The following KCNH1 variants were observed in gnomAD, a reference collection of about 807,000 sequenced individuals.
KCNH1 encodes voltage-gated delayed rectifier potassium channel KCNH1.
In KCNH1, 27 loss-of-function variants were observed where a neutral mutation model predicts 69.2. That is an observed-to-expected ratio of 0.39 (90% CI 0.29 to 0.54). The LOEUF (loss-of-function observed/expected upper bound fraction) is 0.54. Ranked by LOEUF, KCNH1 falls within the 20% of genes least tolerant of loss-of-function variation. KCNH1 has a pLI of 0.68. For synonymous variants in KCNH1, 456 were observed against 487.7 expected, an observed-to-expected ratio of 0.93 and a Z score of 0.86; for missense variants, 798 against 1,261.6, an observed-to-expected ratio of 0.63 and a Z score of 5.57.
At position 210,806,824 on chromosome 1, in the gene KCNH1, A is replaced by ATATATATATATATATATATATAT. The variant is rs1387980426; in HGVS notation, c.1463-2659_1463-2658insATATATATATATATATATATATA. 6.2e-4 allele frequency among the ~76,000 whole-genome samples: 28 copies of ATATATATATATATATATATATAT among 44,920 alleles called. 1 individual carries two copies. Among genetic ancestry groups the ATATATATATATATATATATATAT allele is most frequent in the South Asian group, 1.3e-3 (1 of 744 alleles). 29.5% of individuals were successfully genotyped at this position (44,920 alleles called of 152,430 possible). ...ATCTCTACCAAAAAAAAAAAAAAAA[A>ATATATATATATATATATATATAT]AAAAAAAAAAAAATATATATATATA... On this transcript the variant is annotated intron_variant, in intron 7 of 10. Coordinates refer to ENST00000271751, the MANE Select transcript of KCNH1 (RefSeq NM_172362.3).
chr1:210,773,458 G>A (rs747826003), intron 10 of KCNH1, among the ~76,000 whole-genome samples: 1 of 152,180 alleles, frequency 6.6e-6, no homozygotes, highest in Non-Finnish European at 1.5e-5. Flanking sequence ...GCCTTCTCAG[G>A]TCTCTGTGCA....
chr1:211,123,909 T>C (rs770734267), intron 1 of KCNH1, among the ~76,000 whole-genome samples: 2 of 151,566 alleles, frequency 1.3e-5, no homozygotes, highest in Non-Finnish European at 2.9e-5. Flanking sequence ...TAGGGACACG[T>C]GAGAGGTAGG....
At chr1:210,756,197 T>G (rs1683396439) in intron 10 of KCNH1, among the ~76,000 whole-genome samples, 1 of 152,184 alleles carries the variant, frequency 6.6e-6, no homozygotes. Context: ...ACCCTCCCCC[T>G]GCTTACAGTC....
rs1451208258 is a variant in KCNH1 at position 210,775,407 on chromosome 1, T to G, written c.2053A>C (p.Thr685Pro). The G allele has an allele frequency of 6.2e-7, 1 of 1,614,050 alleles. No homozygotes were observed. The change falls in exon 10 of 11, where the codon ACG (threonine) becomes CCG (proline). Residue 685 changes from threonine to proline, a missense_variant. Thr to Pro is a conservative substitution (Grantham distance 38, BLOSUM62 -1). Around this residue, in one of 4 missense-constraint regions of KCNH1, gnomAD observed 197 missense variants for 407.7 expected, o/e 0.48. Coordinates refer to ENST00000271751, the MANE Select transcript of KCNH1 (RefSeq NM_172362.3). The part of the protein sequence containing the change: ...DALQKVLEFY[T>P]AFSHSFSRNL... ...CGGGAGAAGGAATGGGAGAAGGCCGTGTAGAATTCCAGCACTTTCTGCAGG... is the reference window on the plus strand; with the variant it reads ...CGGGAGAAGGAATGGGAGAAGGCCGGGTAGAATTCCAGCACTTTCTGCAGG...
rs145789974 is a variant in KCNH1, at chr1:210,797,683, C to T, written c.1740G>A (p.Pro580=). The T allele has an allele frequency of 8.9e-5, 144 of 1,614,214 alleles. 1 individual carries two copies. In the South Asian group the frequency reaches 1.1e-3, roughly 12 times the overall value. The part of the protein sequence containing the change: ...HLNRKVFKEH[P]AFRLASDGCL... ...AGCCATCACTGGCCAGCCGGAAGGCCGGGTGCTCCTTGAACACCTTGCGGT... is the reference window on the plus strand; with the variant it reads ...AGCCATCACTGGCCAGCCGGAAGGCTGGGTGCTCCTTGAACACCTTGCGGT... The change falls in exon 9 of 11, where the codon CCG becomes CCA. Residue 580 remains proline, a synonymous_variant. Coordinates refer to ENST00000271751, the MANE Select transcript of KCNH1 (RefSeq NM_172362.3).
At chr1:210,723,294 A>C (rs921539620) in intron 10 of KCNH1, among the ~76,000 whole-genome samples, 5 of 152,054 alleles carry the variant, frequency 3.3e-5, no homozygotes, top group African/African-American at 9.7e-5. Context: ...TTTAGCCATG[A>C]GAAAAAAAAT....
chr1:210,699,144 T>C (rs1226054220), intron 10 of KCNH1, among the ~76,000 whole-genome samples: 2 of 152,200 alleles, frequency 1.3e-5, no homozygotes, highest in East Asian at 1.9e-4. Context: ...AACAATAGGC[T>C]CTGTGGAGTA....
At chr1:210,696,217 C>A (rs551358950) in intron 10 of KCNH1, among the ~76,000 whole-genome samples, 14 of 152,316 alleles carry the variant, frequency 9.2e-5, no homozygotes, top group African/African-American at 2.6e-4. Flanking sequence ...ATATGCAACA[C>A]CCCCTTCTCA....
intron 5 of KCNH1, among the ~76,000 whole-genome samples, chr1:211,062,922 G>A (rs772605004): frequency 6.6e-5 from 10 of 152,230 alleles, no homozygotes; most frequent in Non-Finnish European, 1.2e-4. Flanking sequence ...ACTAAAAATC[G>A]AGCTACCATA....
chr1:210,909,858 G>A (rs1687191789), intron 7 of KCNH1, among the ~76,000 whole-genome samples: 1 of 152,158 alleles, frequency 6.6e-6, no homozygotes, highest in Non-Finnish European at 1.5e-5. Context: ...CCACTATCAT[G>A]GGCTATAGCA....
chr1:210,880,368 T>C (rs569695828), intron 7 of KCNH1, among the ~76,000 whole-genome samples: 1 of 152,264 alleles, frequency 6.6e-6, no homozygotes, highest in East Asian at 1.9e-4. Context: ...TAATCAACAA[T>C]ACAGTGTTGG....
rs114773435 is a variant in KCNH1, at chr1:210,958,288, T to G, written c.1033-38219A>C. On this transcript the variant is annotated intron_variant, in intron 6 of 10. Coordinates refer to ENST00000271751, the MANE Select transcript of KCNH1 (RefSeq NM_172362.3). ...TCTGCTGAGAGATCTGCTGTTAGTC[T>G]GACAGGCGTCCCTTTGTGGGTAACT... Among the ~76,000 whole-genome samples, 738 of 152,348 alleles carry G rather than the reference T, an allele frequency of 4.8e-3. 2 individuals carry two copies. The highest frequency in any genetic ancestry group is 0.017 in the African/African-American group (709 of 41,582).
intron 6 of KCNH1, among the ~76,000 whole-genome samples, chr1:210,942,110 G>C (rs560135280): frequency 1.3e-5 from 2 of 152,176 alleles, no homozygotes; most frequent in Non-Finnish European, 2.9e-5. Flanking sequence ...TAAATATATA[G>C]TTCCAAAGTT....
At chr1:210,982,333 A>G (rs1571548946) in intron 6 of KCNH1, among the ~76,000 whole-genome samples, 1 of 152,068 alleles carries the variant, frequency 6.6e-6, no homozygotes, top group Non-Finnish European at 1.5e-5. Flanking sequence ...GGTTTGTTAC[A>G]TACGTATACA....
intron 1 of KCNH1, among the ~76,000 whole-genome samples, chr1:211,128,880 G>A (rs1181311668): frequency 6.6e-6 from 1 of 152,094 alleles, no homozygotes; most frequent in Non-Finnish European, 1.5e-5. Flanking sequence ...AAAGGGAGGA[G>A]GAAGAGGCAG....
At chr1:210,795,377 A>G (rs1684288706) in intron 9 of KCNH1, among the ~76,000 whole-genome samples, 1 of 152,062 alleles carries the variant, frequency 6.6e-6, no homozygotes, top group Non-Finnish European at 1.5e-5. Context: ...AAATTCGTGG[A>G]CCCAAGAGAT....
intron 2 of KCNH1, among the ~76,000 whole-genome samples, chr1:211,105,766 C>T (rs187827649): frequency 6.6e-6 from 1 of 152,222 alleles, no homozygotes; most frequent in East Asian, 1.9e-4. Context: ...ATGTGCAGGA[C>T]AGATAGAGAT....
intron 6 of KCNH1, among the ~76,000 whole-genome samples, chr1:211,013,244 G>C (rs1206662765): frequency 1.3e-5 from 2 of 152,242 alleles, no homozygotes; most frequent in African/African-American, 4.8e-5. Flanking sequence ...AGGAAAGCCT[G>C]GAAGAGCAGG....
At chr1:210,769,543 A>G (rs902361213) in intron 10 of KCNH1, among the ~76,000 whole-genome samples, 4 of 152,166 alleles carry the variant, frequency 2.6e-5, no homozygotes, top group African/African-American at 4.8e-5. Flanking sequence ...ATAAACAAAC[A>G]CTGCACAAAA....
Sources: allele counts gnomAD v4.1 joint callset (sites outside exome capture counted in the v4.1 genomes callset), GRCh38; gene constraint gnomAD v4.1.1; regional missense constraint gnomAD v4.1.1; transcripts MANE v1.5; gene names NCBI Gene and HGNC (gene_info 2026-07-23, HGNC 2026-07-21).